The following UNC5D variants were observed in gnomAD, a reference collection of about 807,000 sequenced individuals.
The protein encoded by UNC5D is netrin receptor UNC5D.
A neutral mutation model predicts 105.4 loss-of-function variants in UNC5D; 39 were observed. The observed-to-expected ratio is 0.37, with a 90% CI of 0.29 to 0.48. The LOEUF (loss-of-function observed/expected upper bound fraction) is 0.48, where lower values mean the gene tolerates loss of function less well. UNC5D is among the 20% of genes least tolerant of loss of function. UNC5D has a pLI of 0.98. For synonymous variants in UNC5D, 452 were observed against 450.4 expected (o/e 1.00, Z -0.04); for missense variants, 991 against 1,202.4 (o/e 0.82, Z 2.60).
rs1302451630 is a variant in UNC5D at position 35,440,352 on chromosome 8, CG to C, written c.104-108937del. On this transcript the variant is annotated intron_variant, in intron 1 of 16. Transcript: ENST00000404895. ...CGAGTGCATTCTTCCAAACTCAGCC[CG>C]GGTGTCTCGGAAAATTTAGCCACTT... 3.3e-5 allele frequency among the ~76,000 whole-genome samples: 5 copies of C among 151,982 alleles called. No homozygotes were observed. The East Asian group carries it at 9.7e-4, about 30-fold the overall frequency.
chr8:35,555,070 A>T (rs532530626), intron 2 of UNC5D, among the ~76,000 whole-genome samples: 1 of 152,346 alleles, frequency 6.6e-6, no homozygotes, highest in Non-Finnish European at 1.5e-5. Flanking sequence ...ATTTGAAAGT[A>T]TCTTCAATGA....
chr8:35,573,513 C>T (rs1817887073), intron 3 of UNC5D, among the ~76,000 whole-genome samples: 1 of 152,126 alleles, frequency 6.6e-6, no homozygotes, highest in Non-Finnish European at 1.5e-5. Flanking sequence ...CCAGCTGATA[C>T]CAACATGGAA....
intron 4 of UNC5D, among the ~76,000 whole-genome samples, chr8:35,675,117 A>G (rs1407343941): frequency 6.6e-6 from 1 of 152,194 alleles, no homozygotes; most frequent in African/African-American, 2.4e-5. Context: ...AGTATGAAAA[A>G]TGTGTAGCCA....
At chr8:35,540,352 G>A (rs1586086068) in intron 1 of UNC5D, among the ~76,000 whole-genome samples, 1 of 151,278 alleles carries the variant, frequency 6.6e-6, no homozygotes, top group Non-Finnish European at 1.5e-5. Context: ...CCTGATACGT[G>A]GATTTTAATA....
At chr8:35,743,347 G>A (rs1418530140) in intron 11 of UNC5D, among the ~76,000 whole-genome samples, 5 of 151,904 alleles carry the variant, frequency 3.3e-5, no homozygotes, top group African/African-American at 7.3e-5. Context: ...TCGGCTCACT[G>A]CAACATCCAC....
At position 35,319,417 on chromosome 8, in the gene UNC5D, C is replaced by G. The variant is rs147605490; in HGVS notation, c.103+83530C>G. ...CTTTAAGGGCTGTGCAGAAGGCTGT[C>G]TGAATCCTTGATCTGATGTGCATTT... On this transcript the variant is annotated intron_variant, in intron 1 of 16. Coordinates refer to ENST00000404895, the MANE Select transcript of UNC5D (RefSeq NM_080872.4). Among the ~76,000 whole-genome samples, 41 of 152,234 alleles carry G rather than the reference C, an allele frequency of 2.7e-4. No homozygotes were observed. The East Asian group carries it at 7.5e-3, about 28-fold the overall frequency.
At chr8:35,622,202 C>T (rs774166234) in intron 4 of UNC5D, among the ~76,000 whole-genome samples, 1 of 152,042 alleles carries the variant, frequency 6.6e-6, no homozygotes, top group Non-Finnish European at 1.5e-5. Flanking sequence ...ATTAGCTGGG[C>T]GTGGTGGTGC....
At chr8:35,521,261 A>T (rs1005232099) in intron 1 of UNC5D, among the ~76,000 whole-genome samples, 1 of 152,150 alleles carries the variant, frequency 6.6e-6, no homozygotes, top group Non-Finnish European at 1.5e-5. Flanking sequence ...AGAAAATAAC[A>T]AAGAAGAAGA....
intron 1 of UNC5D, among the ~76,000 whole-genome samples, chr8:35,343,756 T>A (rs909568062): frequency 2.6e-5 from 4 of 152,174 alleles, no homozygotes; most frequent in Non-Finnish European, 4.4e-5. Context: ...TCCTCTCTTC[T>A]ATGTTAGCCA....
Position 35,794,963 on chromosome 8 carries a change from G to T in UNC5D, c.*4400G>T, listed in dbSNP as rs1029210643. 3 of 152,194 alleles carry T rather than the reference G, an allele frequency of 2.0e-5. No individual in the cohort carries two copies. The highest frequency in any genetic ancestry group is 1.3e-4 in the Admixed American group (2 of 15,274). The allele number at this position is 152,194 out of a possible 1,614,324, so 9.4% of individuals were successfully genotyped here. On this transcript the variant is annotated 3_prime_UTR_variant, in exon 17 of 17. Transcript: ENST00000404895. ...ATTTAACTGACATAGAATAATTGTG[G>T]TTTTTGAAGCAGCTACTCATTGCTT...
At chr8:35,520,380 G>T (rs1813381251) in intron 1 of UNC5D, among the ~76,000 whole-genome samples, 1 of 152,078 alleles carries the variant, frequency 6.6e-6, no homozygotes, top group Non-Finnish European at 1.5e-5. Flanking sequence ...ACAGAAAATA[G>T]ATTGATGGTT....
chr8:35,617,698 C>T (rs188903654), intron 4 of UNC5D, among the ~76,000 whole-genome samples: 65 of 152,324 alleles, frequency 4.3e-4, no homozygotes, highest in Admixed American at 2.2e-3. Context: ...TTAGCAGCTG[C>T]ACCGTTCCCA....
chr8:35,455,774 T>C (rs1388425383), intron 1 of UNC5D, among the ~76,000 whole-genome samples: 2 of 151,380 alleles, frequency 1.3e-5, no homozygotes, highest in African/African-American at 4.9e-5. Context: ...TCTTACATGG[T>C]GGTAGGCAAG....
intron 1 of UNC5D, among the ~76,000 whole-genome samples, chr8:35,458,941 A>T (rs1367205819): frequency 6.6e-6 from 1 of 152,158 alleles, no homozygotes; most frequent in Non-Finnish European, 1.5e-5. Flanking sequence ...TCTGTAGTGG[A>T]TGCAGTGGCA....
At chr8:35,756,083 T>G (rs1443271245) in intron 13 of UNC5D, among the ~76,000 whole-genome samples, 2 of 152,220 alleles carry the variant, frequency 1.3e-5, no homozygotes, top group Admixed American at 1.3e-4. Flanking sequence ...AGGAGTCTAT[T>G]TATTTAACTT....
chr8:35,418,779 G>C (rs186784150), intron 1 of UNC5D, among the ~76,000 whole-genome samples: 3 of 152,132 alleles, frequency 2.0e-5, no homozygotes, highest in African/African-American at 7.2e-5. Flanking sequence ...CATTCAACTC[G>C]TTCCTCTGTT....
chr8:35,376,222 C>A (rs1802693736), intron 1 of UNC5D, among the ~76,000 whole-genome samples: 1 of 152,164 alleles, frequency 6.6e-6, no homozygotes. Flanking sequence ...CATGCATTTT[C>A]TTTTTGCACT....
At chr8:35,608,330 A>G (rs1223811175) in intron 4 of UNC5D, among the ~76,000 whole-genome samples, 1 of 152,218 alleles carries the variant, frequency 6.6e-6, no homozygotes, top group Non-Finnish European at 1.5e-5. Flanking sequence ...GCCTTGTTTT[A>G]TAAATGTTGT....
At chr8:35,462,532 C>A (rs950517583) in intron 1 of UNC5D, among the ~76,000 whole-genome samples, 3 of 152,134 alleles carry the variant, frequency 2.0e-5, no homozygotes, top group Non-Finnish European at 4.4e-5. Flanking sequence ...CTGCTGAATT[C>A]TCTTTAAACA....
Sources: gnomAD v4.1 joint callset for allele counts (sites outside exome capture counted in the v4.1 genomes callset) on GRCh38, gnomAD v4.1.1 for gene constraint, MANE v1.5 for transcripts, NCBI Gene and HGNC (gene_info 2026-07-23, HGNC 2026-07-21) for gene names.